CNBD1: variants seen among roughly 807,000 people sequenced by gnomAD.
CNBD1 encodes cyclic nucleotide binding domain containing 1.
CNBD1 carries 71 observed loss-of-function variants against 54.4 expected under a neutral mutation model. The ratio of observed to expected loss-of-function variants is 1.30; its 90% CI spans 1.08 to 1.59. CNBD1 has a LOEUF of 1.59. Among genes scored for constraint, CNBD1 ranks in the 40% most tolerant of loss-of-function variants. The pLI, the probability that CNBD1 is intolerant of heterozygous loss-of-function variation, is 0.00. For synonymous variants in CNBD1, 182 were observed against 170.7 expected, an observed-to-expected ratio of 1.07 and a Z score of -0.51; for missense variants, 659 against 518.0, an observed-to-expected ratio of 1.27 and a Z score of -2.64.
intron 4 of CNBD1, among the ~76,000 whole-genome samples, chr8:86,980,510 T>A (rs908319994): frequency 1.3e-5 from 2 of 152,214 alleles, no homozygotes; most frequent in African/African-American, 2.4e-5. Flanking sequence ...CCAACTCAGG[T>A]GAATACACAG....
intron 5 of CNBD1, among the ~76,000 whole-genome samples, chr8:87,230,615 T>C (rs920312509): frequency 1.3e-5 from 2 of 152,170 alleles, no homozygotes; most frequent in African/African-American, 4.8e-5. Flanking sequence ...TCATCTGCAA[T>C]ATGCAGTAAC....
At chr8:87,221,215 TC>T (rs1334867364) in intron 5 of CNBD1, among the ~76,000 whole-genome samples, 2 of 152,172 alleles carry the variant, frequency 1.3e-5, no homozygotes, top group African/African-American at 4.8e-5. Flanking sequence ...CAGTCATACT[TC>T]ATTTTAAAAA....
chr8:87,029,005 T>C (rs951340384), intron 4 of CNBD1, among the ~76,000 whole-genome samples: 7 of 152,256 alleles, frequency 4.6e-5, no homozygotes, highest in Non-Finnish European at 1.0e-4. Context: ...TGATATCTCT[T>C]TGCTTTGGAT....
intron 4 of CNBD1, among the ~76,000 whole-genome samples, chr8:86,974,355 T>C (rs1369172437): frequency 2.0e-5 from 3 of 152,098 alleles, no homozygotes; most frequent in African/African-American, 7.2e-5. Context: ...CTAATGTAGA[T>C]AAACATTCCC....
intron 4 of CNBD1, among the ~76,000 whole-genome samples, chr8:87,137,448 C>G (rs980163392): frequency 6.6e-6 from 1 of 151,610 alleles, no homozygotes; most frequent in Non-Finnish European, 1.5e-5. Context: ...GTGATCCGCC[C>G]GCCTCAGCCT....
At chr8:87,123,329 A>T (rs1811926124) in intron 4 of CNBD1, among the ~76,000 whole-genome samples, 1 of 151,788 alleles carries the variant, frequency 6.6e-6, no homozygotes, top group African/African-American at 2.4e-5. Context: ...AAGTGTGGCA[A>T]TGGTATGAAA....
intron 10 of CNBD1, among the ~76,000 whole-genome samples, chr8:87,370,275 T>C (rs951318305): frequency 6.6e-5 from 10 of 152,286 alleles, no homozygotes; most frequent in Non-Finnish European, 1.0e-4. Context: ...ATGGTATTTC[T>C]AGTTCTAGAT....
intron 8 of CNBD1, among the ~76,000 whole-genome samples, chr8:87,294,915 T>C (rs1808853455): frequency 6.6e-6 from 1 of 152,084 alleles, no homozygotes; most frequent in Non-Finnish European, 1.5e-5. Context: ...TTAAGATTAC[T>C]TAAATATAAT....
chr8:87,414,691 GT>G (rs1161788579), intron 2 of CNBD1, among the ~76,000 whole-genome samples: 1 of 151,804 alleles, frequency 6.6e-6, no homozygotes, highest in Non-Finnish European at 1.5e-5. Flanking sequence ...AACATTACTG[GT>G]TATCCTTGTT....
chr8:87,382,530 G>A, intron 10 of CNBD1, 90 bp from the exon 11 acceptor site: 1 of 991,926 alleles, frequency 1.0e-6, no homozygotes, highest in Non-Finnish European at 1.5e-6. Flanking sequence ...ACTCAGCAAT[G>A]TAATTTTAGG....
intron 6 of CNBD1, among the ~76,000 whole-genome samples, chr8:87,264,627 C>T (rs373026237): frequency 8.0e-4 from 121 of 152,130 alleles, no homozygotes; most frequent in Middle Eastern, 6.8e-3. Flanking sequence ...AGTGTAAAAG[C>T]GTTCCTATTT....
intron 8 of CNBD1, among the ~76,000 whole-genome samples, chr8:87,328,676 T>A (rs1248609292): frequency 1.3e-5 from 2 of 152,126 alleles, no homozygotes; most frequent in African/African-American, 4.8e-5. Context: ...TTTCATCAAA[T>A]CTTTAGATTA....
chr8:87,093,590 A>G (rs1563466142), intron 4 of CNBD1, among the ~76,000 whole-genome samples: 1 of 152,210 alleles, frequency 6.6e-6, no homozygotes, highest in Non-Finnish European at 1.5e-5. Flanking sequence ...AAATACCTTC[A>G]CAGTAACGCC....
chr8:87,286,144 GT>G (rs758235535), intron 7 of CNBD1, among the ~76,000 whole-genome samples: 9 of 152,030 alleles, frequency 5.9e-5, no homozygotes, highest in Non-Finnish European at 1.3e-4. Flanking sequence ...ATGTTTATTT[GT>G]TTTGATTTTC....
intron 6 of CNBD1, among the ~76,000 whole-genome samples, chr8:87,246,983 C>G (rs13264977): frequency 0.32 from 49,348 of 151,868 alleles, 8,874 homozygotes; most frequent in Middle Eastern, 0.42. Context: ...CAGTGACACC[C>G]GAATTATGTT....
Position 86,939,857 on chromosome 8 carries a change from T to C in CNBD1, c.431+103T>C, listed in dbSNP as rs59510003. On this transcript the variant is annotated intron_variant, in intron 4 of 10. Coordinates refer to ENST00000518476, the MANE Select transcript of CNBD1 (RefSeq NM_173538.3). ...GTGGGTAAGTGTACTTTAGTTATGA[T>C]ACAGCACTCATGGTTGATTCAGGAG... The C allele has an allele frequency of 0.018, 12,528 of 701,042 alleles. 1,050 individuals are homozygous for C. In the African/African-American group the frequency reaches 0.19, roughly 11 times the overall value. The allele number at this position is 701,042 out of a possible 1,614,324, so 43.4% of individuals were successfully genotyped here. A position where few individuals can be genotyped will look rare whatever the true frequency, so the allele number is the denominator to read the frequency against.
chr8:86,874,635 T>C lies in CNBD1; in HGVS notation c.88+8052T>C, dbSNP rs559359485. 3.3e-5 allele frequency among the ~76,000 whole-genome samples: 5 copies of C among 152,258 alleles called. No homozygotes were observed. The East Asian group carries it at 9.7e-4, about 29-fold the overall frequency. On this transcript the variant is annotated intron_variant, in intron 1 of 10. Transcript: ENST00000518476. ...CTTTATTTGGGTTAAAAAATAAAAA[T>C]TAAATATAGGAACTCTGGGGTTTCT...
intron 4 of CNBD1, among the ~76,000 whole-genome samples, chr8:87,174,904 G>A (rs899333119): frequency 3.1e-4 from 47 of 152,232 alleles, no homozygotes; most frequent in Admixed American, 6.5e-5. Context: ...GTTCTCTTCC[G>A]TAATTTCTCC....
At chr8:87,156,696 A>T (rs1305752166) in intron 4 of CNBD1, among the ~76,000 whole-genome samples, 1 of 152,114 alleles carries the variant, frequency 6.6e-6, no homozygotes, top group Non-Finnish European at 1.5e-5. Flanking sequence ...ATTTAACTTT[A>T]TTCAGGGTTG....
Sources: allele counts gnomAD v4.1 joint callset (sites outside exome capture counted in the v4.1 genomes callset), GRCh38; gene constraint gnomAD v4.1.1; transcripts MANE v1.5; gene names NCBI Gene and HGNC (gene_info 2026-07-23, HGNC 2026-07-21).